Variants in AURKB observed in about 807,000 individuals in gnomAD.
The protein encoded by AURKB is aurora kinase B-Sv1.
AURKB carries 28 observed loss-of-function variants against 36.5 expected under a neutral mutation model. That is an observed-to-expected ratio of 0.77 (90% CI 0.57 to 1.05). The LOEUF is 1.05. Among genes scored for constraint, AURKB ranks in the 50% least tolerant of loss-of-function variants. The probability of loss-of-function intolerance (pLI) is 0.00; values close to 1 mark genes in which losing one functional copy is unlikely to be tolerated. For synonymous variants in AURKB, 175 were observed against 172.9 expected, an observed-to-expected ratio of 1.01 and a Z score of -0.09; for missense variants, 383 against 447.4, an observed-to-expected ratio of 0.86 and a Z score of 1.30.
chr17:8,210,280 G>A, intron 1 of AURKB, 31 bp from the exon 2 acceptor site: 3 of 1,473,828 alleles, frequency 2.0e-6, no homozygotes, highest in Non-Finnish European at 2.8e-6. Context: ...GCCGTGAGAA[G>A]CAGAGAAAAA....
intron 2 of AURKB, among the ~76,000 whole-genome samples, chr17:8,209,620 C>A (rs1985842730): frequency 6.6e-6 from 1 of 152,140 alleles, no homozygotes. Context: ...GAAATAGACC[C>A]ACATATATGT....
intron 1 of AURKB, 28 bp from the exon 2 acceptor site, chr17:8,210,277 G>T: frequency 6.8e-7 from 1 of 1,479,526 alleles, no homozygotes. Flanking sequence ...ACAGCCGTGA[G>T]AAGCAGAGAA....
intron 2 of AURKB, chr17:8,209,956 G>C (rs987023567): frequency 3.2e-6 from 2 of 623,976 alleles, no homozygotes. Context: ...GTCCTCACCA[G>C]CTGGGAGTCA....
chr17:8,207,068 C>A, intron 5 of AURKB, 108 bp downstream of exon 5: 1 of 1,448,196 alleles, frequency 6.9e-7, no homozygotes, highest in Middle Eastern at 2.4e-4. Context: ...CTAAATGGGG[C>A]TCACTAGCCA....
intron 2 of AURKB, 196 bp downstream of exon 2, chr17:8,209,981 T>C: frequency 1.5e-6 from 1 of 676,844 alleles, no homozygotes; most frequent in South Asian, 1.8e-5. Context: ...CTGGTCAGAT[T>C]CACGTTGGCA....
chr17:8,205,156 C>A, intron 8 of AURKB, 60 bp downstream of exon 8: 1 of 1,556,770 alleles, frequency 6.4e-7, no homozygotes, highest in South Asian at 1.2e-5. Context: ...ACTCTGCCCA[C>A]CCCCAGCCCC....
In AURKB at chr17:8,204,868, C is replaced by G. The variant is rs369681238; in HGVS notation, c.*3G>C. ...CACGCACCCGAGTGAATGACAGGGA[C>G]CATCAGGCGACAGATTGAAGGGCAG... On this transcript the variant is annotated 3_prime_UTR_variant, in exon 9 of 9. Transcript: ENST00000585124. 9 of 1,611,740 alleles carry G rather than the reference C, an allele frequency of 5.6e-6. No individual in the cohort carries two copies. Among genetic ancestry groups the G allele is most frequent in the Non-Finnish European group, 6.8e-6 (8 of 1,179,388 alleles).
chr17:8,204,748 T>G lies in AURKB; in HGVS notation c.*123A>C, dbSNP rs570237695. ...ATCTACACTCATGAGTACAAAAAGC[T>G]TCAGCCTTTATTAAACAAAGGAGGA... is the stretch of plus-strand genomic sequence containing the variant. On this transcript the variant is annotated 3_prime_UTR_variant, in exon 9 of 9. Coordinates refer to ENST00000585124, the MANE Select transcript of AURKB (RefSeq NM_004217.4). 1.5e-6 allele frequency: 2 copies of G among 1,345,348 alleles called. No homozygotes were observed. Among genetic ancestry groups the G allele is most frequent in the East Asian group, 2.3e-5 (1 of 43,020 alleles). The allele number at this position is 1,345,348 out of a possible 1,614,324, so 83.3% of individuals were successfully genotyped here. A position where few individuals can be genotyped will look rare whatever the true frequency, so the allele number is the denominator to read the frequency against.
At chr17:8,210,441 G>T in intron 1 of AURKB, 89 bp downstream of exon 1, 1 of 573,260 alleles carries the variant, frequency 1.7e-6, no homozygotes, top group Non-Finnish European at 3.1e-6. Context: ...GCCCTGCGGC[G>T]TGCGCGCAGG....
At position 8,210,256 on chromosome 17, in the gene AURKB, G is replaced by A. The variant is rs1410791192; in HGVS notation, c.-25-7C>T. ...AGAGAAAGGGGGAGGAGAGCTGGGCGGAGAAGGGAAACAGCCGTGAGAAGC... is the reference window on the plus strand; with the variant it reads ...AGAGAAAGGGGGAGGAGAGCTGGGCAGAGAAGGGAAACAGCCGTGAGAAGC... On this transcript the variant is annotated splice_region_variant and splice_polypyrimidine_tract_variant and intron_variant, in intron 1 of 8. Coordinates refer to ENST00000585124, the MANE Select transcript of AURKB (RefSeq NM_004217.4). 1.9e-6 allele frequency: 3 copies of A among 1,559,384 alleles called. No homozygotes were observed. The highest frequency in any genetic ancestry group is 2.7e-5 in the African/African-American group (2 of 74,132).
In AURKB at chr17:8,206,895, G is replaced by A. The variant is rs750111884; in HGVS notation, c.399-7C>T. On this transcript the variant is annotated splice_polypyrimidine_tract_variant and splice_region_variant and intron_variant, in intron 5 of 8. Transcript: ENST00000585124. This position sits in a 1 kb window ranked among gnomAD's most constrained non-coding sequence, Gnocchi z 4.2. ...ACGCAGGATGTTGGGATGGCTGGGGGAAGAGACAGAGGAGGCCTCAGGCCA... is the reference window on the plus strand; with the variant it reads ...ACGCAGGATGTTGGGATGGCTGGGGAAAGAGACAGAGGAGGCCTCAGGCCA... 1.2e-6 allele frequency: 2 copies of A among 1,614,168 alleles called. No individual in the cohort carries two copies. Among genetic ancestry groups the A allele is most frequent in the Non-Finnish European group, 1.7e-6 (2 of 1,180,034 alleles).
intron 1 of AURKB, 113 bp downstream of exon 1, chr17:8,210,417 C>A: frequency 1.6e-6 from 1 of 618,034 alleles, no homozygotes; most frequent in Admixed American, 3.1e-5. Flanking sequence ...TGCTATCGTC[C>A]CTACCTCCTT....
Sources: allele counts gnomAD v4.1 joint callset (sites outside exome capture counted in the v4.1 genomes callset), GRCh38; gene constraint gnomAD v4.1.1; non-coding constraint Gnocchi (gnomAD v3.1); transcripts MANE v1.5; gene names NCBI Gene and HGNC (gene_info 2026-07-23, HGNC 2026-07-21).